The following C10orf90 variants were observed in gnomAD, a reference collection of about 807,000 sequenced individuals.
The protein encoded by C10orf90 is chromosome 10 open reading frame 90.
Under a neutral mutation model 62.5 loss-of-function variants are expected in C10orf90, and 56 were observed. The ratio of observed to expected loss-of-function variants is 0.90; its 90% CI spans 0.72 to 1.12. The LOEUF (loss-of-function observed/expected upper bound fraction) is 1.12. C10orf90 is among the 50% of genes most tolerant of loss of function. The pLI, the probability that C10orf90 is intolerant of heterozygous loss-of-function variation, is 0.00. For missense variants in C10orf90, 970 were observed against 880.4 expected, an observed-to-expected ratio of 1.10 and a Z score of -1.29; for synonymous variants, 386 against 340.4, an observed-to-expected ratio of 1.13 and a Z score of -1.47.
rs111342032 is a variant in C10orf90, at chr10:126,501,227, G to A, written c.1534+2730C>T. The stretch of plus-strand genomic sequence containing the variant: ...AGGTCAGCAAGCTCACCCTCCACAC[G>A]TTGTGCAGGCTGTGCAAGGACAGCC... On this transcript the variant is annotated intron_variant, in intron 4 of 9. Transcript: ENST00000488181. 8.7e-3 allele frequency among the ~76,000 whole-genome samples: 1,330 copies of A among 152,308 alleles called. 26 individuals are homozygous for A. Among genetic ancestry groups the A allele is most frequent in the African/African-American group, 0.029 (1,186 of 41,572 alleles).
intron 4 of C10orf90, chr10:126,469,912 C>A (rs779004367): frequency 2.6e-5 from 12 of 456,738 alleles, no homozygotes; most frequent in South Asian, 1.7e-4. Context: ...AAGCGAGAGG[C>A]TGCTGCAGAG....
Position 126,580,521 on chromosome 10 carries a change from T to C in C10orf90, c.313+66044A>G, listed in dbSNP as rs568339581. Among the ~76,000 whole-genome samples the C allele has an allele frequency of 7.9e-5, 12 of 151,762 alleles. No individual in the cohort carries two copies. The South Asian group carries it at 2.3e-3, about 29-fold the overall frequency. ...ACAAAAAATCAGCCAGGCGCAGTGG[T>C]GGGCGCCTGTAGTCCCAGCTACTCG... On this transcript the variant is annotated intron_variant, in intron 2 of 9. Coordinates refer to ENST00000488181, the MANE Select transcript of C10orf90 (RefSeq NM_001350921.2).
intron 2 of C10orf90, among the ~76,000 whole-genome samples, chr10:126,579,437 C>T (rs539950787): frequency 6.6e-6 from 1 of 151,968 alleles, no homozygotes; most frequent in Non-Finnish European, 1.5e-5. Context: ...GATGGGGTTT[C>T]ATCACATTGG....
rs1477656968 is a variant in C10orf90, at chr10:126,513,940, C to T, written c.314-1G>A. 11 of 1,605,952 alleles carry T rather than the reference C, an allele frequency of 6.8e-6. No homozygotes were observed. The highest frequency in any genetic ancestry group is 1.7e-5 in the Admixed American group (1 of 59,544). On this transcript the variant is annotated splice_acceptor_variant, in intron 2 of 9. Transcript: ENST00000488181. LOFTEE classifies it high-confidence loss of function. Reference sequence around the variant, plus strand: ...CTACTGTGGTAGCTGTCCCGTAATCCTAGGCAAAAGAAGATAATATTGCTA... The same window carrying T: ...CTACTGTGGTAGCTGTCCCGTAATCTTAGGCAAAAGAAGATAATATTGCTA...
At chr10:126,650,162 C>T (rs1156409864) in intron 1 of C10orf90, among the ~76,000 whole-genome samples, 1 of 152,188 alleles carries the variant, frequency 6.6e-6, no homozygotes, top group Non-Finnish European at 1.5e-5. Flanking sequence ...CCAATTTTTA[C>T]TATTTACTAC....
rs1269013268 is a variant in C10orf90 at position 126,532,842 on chromosome 10, C to CAAAAA, written c.314-18908_314-18904dup. Among the ~76,000 whole-genome samples, 98 of 12,096 alleles carry CAAAAA rather than the reference C, an allele frequency of 8.1e-3. 25 individuals carry two copies. The highest frequency in any genetic ancestry group is 0.032 in the African/African-American group (87 of 2,704). 7.9% of individuals were successfully genotyped at this position (12,096 alleles called of 152,430 possible). A position where few individuals can be genotyped will look rare whatever the true frequency, so the allele number is the denominator to read the frequency against. On this transcript the variant is annotated intron_variant, in intron 2 of 9. Coordinates refer to ENST00000488181, the MANE Select transcript of C10orf90 (RefSeq NM_001350921.2). ...TGGGCAACAGAGCGAGACTACGTCT[C>CAAAAA]AAAAAAAAAAAAAAATAGTGAGCAC...
chr10:126,551,923 T>C (rs1864642898), intron 2 of C10orf90, among the ~76,000 whole-genome samples: 1 of 152,214 alleles, frequency 6.6e-6, no homozygotes, highest in Non-Finnish European at 1.5e-5. Context: ...TAGGACCCAC[T>C]GCCTTTCCAG....
Position 126,667,957 on chromosome 10 carries a change from A to G in C10orf90, c.240+2284T>C, listed in dbSNP as rs543381727. Among the ~76,000 whole-genome samples the G allele has an allele frequency of 7.2e-5, 11 of 152,256 alleles. No individual in the cohort carries two copies. The South Asian group carries it at 2.3e-3, about 32-fold the overall frequency. On this transcript the variant is annotated intron_variant, in intron 1 of 9. Coordinates refer to ENST00000488181, the MANE Select transcript of C10orf90 (RefSeq NM_001350921.2). ...CCACCACCTGCTCCCAATCCTGGTA[A>G]CTTTCAGTGCAGCAGGCTCTGCTCC...
chr10:126,491,466 AAAAC>A (rs139449224), intron 4 of C10orf90, among the ~76,000 whole-genome samples: 2,245 of 152,356 alleles, frequency 0.015, 57 homozygotes, highest in African/African-American at 0.051. Flanking sequence ...AAAAGGAAAA[AAAAC>A]AAACAACAGA....
intron 4 of C10orf90, among the ~76,000 whole-genome samples, chr10:126,481,930 A>C (rs1181519243): frequency 1.3e-5 from 2 of 152,224 alleles, no homozygotes; most frequent in African/African-American, 2.4e-5. Flanking sequence ...TAAGACCCTC[A>C]TTCCAGAGGG....
chr10:126,587,471 G>A (rs925319142), intron 2 of C10orf90, among the ~76,000 whole-genome samples: 1 of 152,204 alleles, frequency 6.6e-6, no homozygotes, highest in African/African-American at 2.4e-5. Context: ...TCATATGGCA[G>A]AGGCAAAGCC....
chr10:126,577,491 G>A (rs959575382), intron 2 of C10orf90, among the ~76,000 whole-genome samples: 2 of 151,848 alleles, frequency 1.3e-5, no homozygotes, highest in Admixed American at 6.6e-5. Flanking sequence ...AAGACCTCTG[G>A]ACTAATTTTT....
At chr10:126,576,710 T>TGTAC (rs1844625717) in intron 2 of C10orf90, among the ~76,000 whole-genome samples, 3 of 34,116 alleles carry the variant, frequency 8.8e-5, no homozygotes, top group African/African-American at 3.0e-4. Flanking sequence ...TATATGTATA[T>TGTAC]ATATACAAGA....
At chr10:126,665,497 A>G (rs1846607729) in intron 1 of C10orf90, among the ~76,000 whole-genome samples, 1 of 152,176 alleles carries the variant, frequency 6.6e-6, no homozygotes, top group Admixed American at 6.5e-5. Flanking sequence ...ACTGGAAAAC[A>G]TTCATCAAAG....
At chr10:126,646,151 C>G (rs1486066101) in intron 2 of C10orf90, among the ~76,000 whole-genome samples, 1 of 152,120 alleles carries the variant, frequency 6.6e-6, no homozygotes, top group Non-Finnish European at 1.5e-5. Context: ...AGTTTAGTGG[C>G]TAAGAATGGA....
intron 2 of C10orf90, among the ~76,000 whole-genome samples, chr10:126,593,895 T>G (rs557883924): frequency 6.6e-6 from 1 of 152,042 alleles, no homozygotes. Flanking sequence ...AGGCAGGATA[T>G]CGTCTGCCAT....
intron 2 of C10orf90, among the ~76,000 whole-genome samples, chr10:126,620,080 T>A (rs907347075): frequency 6.6e-6 from 1 of 152,148 alleles, no homozygotes; most frequent in Non-Finnish European, 1.5e-5. Flanking sequence ...CATTTTTATT[T>A]TTTTACATGG....
intron 4 of C10orf90, among the ~76,000 whole-genome samples, chr10:126,468,593 G>T (rs912855417): frequency 6.6e-6 from 1 of 152,182 alleles, no homozygotes; most frequent in Non-Finnish European, 1.5e-5. Context: ...GGCAGGAGTA[G>T]CACCAGGGGA....
intron 2 of C10orf90, among the ~76,000 whole-genome samples, chr10:126,627,415 T>C (rs1845768361): frequency 6.6e-6 from 1 of 152,112 alleles, no homozygotes. Context: ...GCGGGTGTAA[T>C]GGAATCGAAT....
Sources: allele counts gnomAD v4.1 joint callset (sites outside exome capture counted in the v4.1 genomes callset), GRCh38; gene constraint gnomAD v4.1.1; transcripts MANE v1.5; gene names NCBI Gene and HGNC (gene_info 2026-07-23, HGNC 2026-07-21).